ZNF597: variants seen among roughly 807,000 people sequenced by gnomAD.
ZNF597 encodes the protein zinc finger protein 597.
ZNF597 carries 5 observed loss-of-function variants against 7.3 expected under a neutral mutation model. The ratio of observed to expected loss-of-function variants is 0.68; its 90% confidence interval spans 0.36 to 1.44. The LOEUF (loss-of-function observed/expected upper bound fraction) is 1.44, where lower values mean the gene tolerates loss of function less well. ZNF597 is among the 40% of genes most tolerant of loss of function. ZNF597 has a pLI of 0.04. For synonymous variants in ZNF597, 209 were observed against 185.4 expected (o/e 1.13, Z -1.04); for missense variants, 585 against 517.9 (o/e 1.13, Z -1.26).
rs1464775765 is a variant in ZNF597, at chr16:3,437,429, T to A, written c.270A>T (p.Pro90=). 1 of 1,614,150 alleles carries A rather than the reference T, an allele frequency of 6.2e-7. No individual in the cohort carries two copies. Residue 90 remains proline, a synonymous_variant, in exon 4 of 4, where the codon CCA becomes CCT. Transcript: ENST00000301744. ...YPIAAPLVPY[P]EKSSEDGVGN... is the part of the protein sequence containing the mutation. ...CAACTCCATCCTCAGAGGATTTTTCTGGGTAAGGGACAAGGGGTGCAGCAA... is the reference window on the plus strand; with the variant it reads ...CAACTCCATCCTCAGAGGATTTTTCAGGGTAAGGGACAAGGGGTGCAGCAA...
chr16:3,439,855 C>T (rs1330437680), intron 3 of ZNF597, among the ~76,000 whole-genome samples: 1 of 152,012 alleles, frequency 6.6e-6, no homozygotes, highest in South Asian at 2.1e-4. Flanking sequence ...CCAGAAATGA[C>T]ATCAATGTTA....
In ZNF597 at chr16:3,443,144, T is replaced by A. The variant is rs756795022; in HGVS notation, c.10A>T (p.Met4Leu). The A allele has an allele frequency of 1.9e-6, 3 of 1,613,516 alleles. No homozygotes were observed. The highest frequency in any genetic ancestry group is 2.5e-6 in the Non-Finnish European group (3 of 1,179,730). Residue 4 changes from methionine (M) to leucine (L), a missense_variant, in exon 2 of 4, where the codon ATG becomes TTG. Coordinates refer to ENST00000301744, the MANE Select transcript of ZNF597 (RefSeq NM_152457.3). ...ACCTGGGCCTCGGGCGTCGGGGGCA[T>A]GGACGCCATTTGGCGGGTGGGGAAT... Reference protein sequence around the residue: MASMPPTPEAQGPI... With the variant: MASLPPTPEAQGPI...
chr16:3,441,038 A>T, intron 2 of ZNF597, 105 bp from the exon 3 acceptor site: 2 of 1,474,100 alleles, frequency 1.4e-6, no homozygotes, highest in Non-Finnish European at 1.8e-6. Context: ...ACGGGATAAA[A>T]GGCTCGGTGT....
rs1444339041 is a variant in ZNF597, at chr16:3,433,842, T to C, written c.*2582A>G. The C allele has an allele frequency of 2.0e-5, 3 of 152,210 alleles. No individual in the cohort carries two copies. The highest frequency in any genetic ancestry group is 2.0e-4 in the Admixed American group (3 of 15,282). 9.4% of individuals were successfully genotyped at this position (152,210 alleles called of 1,614,324 possible). A position where few individuals can be genotyped will look rare whatever the true frequency, so the allele number is the denominator to read the frequency against. ...TCCGGGGTTTTCATTTTTTTCTGCA[T>C]ACTAATCATTAACAGTATTATACCA... On this transcript the variant is annotated 3_prime_UTR_variant, in exon 4 of 4. Coordinates refer to ENST00000301744, the MANE Select transcript of ZNF597 (RefSeq NM_152457.3).
intron 2 of ZNF597, among the ~76,000 whole-genome samples, chr16:3,441,388 A>T (rs1009678889): frequency 7.2e-4 from 110 of 152,140 alleles, no homozygotes; most frequent in African/African-American, 2.6e-3. Flanking sequence ...TGTCTCTACT[A>T]AAATTACAAA....
At chr16:3,440,482 A>C (rs1312840188) in intron 3 of ZNF597, among the ~76,000 whole-genome samples, 1 of 152,122 alleles carries the variant, frequency 6.6e-6, no homozygotes, top group African/African-American at 2.4e-5. Context: ...AAAATACAAA[A>C]AATTAGCTGG....
rs145885214 is a variant in ZNF597 at position 3,433,797 on chromosome 16, C to A, written c.*2627G>T. The A allele has an allele frequency of 3.3e-5, 5 of 152,292 alleles. No individual in the cohort carries two copies. The highest frequency in any genetic ancestry group is 1.2e-4 in the African/African-American group (5 of 41,560). 9.4% of individuals were successfully genotyped at this position (152,292 alleles called of 1,614,324 possible). A position where few individuals can be genotyped will look rare whatever the true frequency, so the allele number is the denominator to read the frequency against. On this transcript the variant is annotated 3_prime_UTR_variant, in exon 4 of 4. Coordinates refer to ENST00000301744, the MANE Select transcript of ZNF597 (RefSeq NM_152457.3). ...AATAAGCACAACTGAAAATATGCCT[C>A]TTTCACAGTAACTGACACTTCCGGG... is the stretch of plus-strand genomic sequence containing the variant.
intron 2 of ZNF597, among the ~76,000 whole-genome samples, chr16:3,441,736 G>A (rs779635576): frequency 1.3e-5 from 2 of 151,892 alleles, no homozygotes; most frequent in Non-Finnish European, 2.9e-5. Context: ...TCCAGCCTGG[G>A]CAACAGAGCG....
At chr16:3,437,581 T>C in intron 3 of ZNF597, 43 bp from the exon 4 acceptor site, 1 of 1,538,026 alleles carries the variant, frequency 6.5e-7, no homozygotes, top group Non-Finnish European at 8.7e-7. Flanking sequence ...GACAATATCT[T>C]CAAGGGATAC....
chr16:3,432,933 C>T lies in ZNF597; in HGVS notation c.*3491G>A, dbSNP rs1364519641. 1 of 152,172 alleles carries T rather than the reference C, an allele frequency of 6.6e-6. No homozygotes were observed. Among genetic ancestry groups the T allele is most frequent in the East Asian group, 1.9e-4 (1 of 5,206 alleles). The allele number at this position is 152,172 out of a possible 1,614,324, so 9.4% of individuals were successfully genotyped here. On this transcript the variant is annotated 3_prime_UTR_variant, in exon 4 of 4. Coordinates refer to ENST00000301744, the MANE Select transcript of ZNF597 (RefSeq NM_152457.3). ...AATAGACTATTCATATAAACTATAACCTGCTATGTCTCCCTTTGTACACAT... is the reference window on the plus strand; with the variant it reads ...AATAGACTATTCATATAAACTATAATCTGCTATGTCTCCCTTTGTACACAT...
In ZNF597 at chr16:3,440,827, A is replaced by G; in HGVS notation, c.140T>C (p.Leu47Ser). ...SLSKDGTKES[L>S]EDAALMGEEG... is the part of the protein sequence containing the mutation. ...CTTACCCATCAAAGCCGCATCCTCC[A>G]AAGACTCTTTTGTACCATCTTTGCT... The change falls in exon 3 of 4, where the codon TTG (leucine) becomes TCG (serine). Residue 47 changes from leucine to serine, a missense_variant. By Grantham distance (145) the Leu-to-Ser change is moderately radical. Transcript: ENST00000301744. 3 of 1,614,028 alleles carry G rather than the reference A, an allele frequency of 1.9e-6. No individual in the cohort carries two copies. The highest frequency in any genetic ancestry group is 3.3e-4 in the Middle Eastern group (2 of 6,062).
chr16:3,436,862 C>T lies in ZNF597; in HGVS notation c.837G>A (p.Glu279=). 1 of 1,614,174 alleles carries T rather than the reference C, an allele frequency of 6.2e-7. No individual in the cohort carries two copies. The highest frequency in any genetic ancestry group is 8.5e-7 in the Non-Finnish European group (1 of 1,180,032). ...ESTNCDKHFN[E]KPNLALPEET... ...CCTCAGGCAAAGCAAGATTTGGTTT[C>T]TCATTAAAATGTTTATCACAGTTAG... Residue 279 remains glutamate (E), a synonymous_variant, in exon 4 of 4, where the codon GAG becomes GAA. Coordinates refer to ENST00000301744, the MANE Select transcript of ZNF597 (RefSeq NM_152457.3).
In ZNF597 at chr16:3,440,813, A is replaced by G. The variant is rs751805268; in HGVS notation, c.154T>C (p.Leu52=). ...GGAAAAACAATTGCCTTACCCATCAAAGCCGCATCCTCCAAAGACTCTTTT... is the reference window on the plus strand; with the variant it reads ...GGAAAAACAATTGCCTTACCCATCAGAGCCGCATCCTCCAAAGACTCTTTT... The part of the protein sequence containing the change: ...GTKESLEDAA[L]MGEEGKPEIN... Residue 52 remains leucine (L), a synonymous_variant, in exon 3 of 4, where the codon TTG becomes CTG. Transcript: ENST00000301744. 1 of 1,613,802 alleles carries G rather than the reference A, an allele frequency of 6.2e-7. No individual in the cohort carries two copies. Among genetic ancestry groups the G allele is most frequent in the South Asian group, 1.1e-5 (1 of 91,064 alleles).
chr16:3,436,416 T>G lies in ZNF597; in HGVS notation c.*8A>C. The G allele has an allele frequency of 6.2e-7, 1 of 1,610,024 alleles. No homozygotes were observed. Among genetic ancestry groups the G allele is most frequent in the Non-Finnish European group, 8.5e-7 (1 of 1,177,702 alleles). ...CCCAATCACTAATAACAATTTGTTATATTTACTTTACGTGGTGTTTTTTAT... is the reference window on the plus strand; with the variant it reads ...CCCAATCACTAATAACAATTTGTTAGATTTACTTTACGTGGTGTTTTTTAT... On this transcript the variant is annotated 3_prime_UTR_variant, in exon 4 of 4. Transcript: ENST00000301744.
chr16:3,436,481 G>GA lies in ZNF597; in HGVS notation c.1217dup (p.Lys407GlnfsTer10). On this transcript the variant is annotated frameshift_variant, in exon 4 of 4. Transcript: ENST00000301744. LOFTEE classifies it low-confidence loss of function (END_TRUNC). ...GAGTAATGAGATGCAAATTCGACTT[G>GA]AAAGTTTTCCCACACACGGTACATT... 1.2e-6 allele frequency: 2 copies of GA among 1,614,192 alleles called. No individual in the cohort carries two copies. The highest frequency in any genetic ancestry group is 1.7e-6 in the Non-Finnish European group (2 of 1,180,040).
chr16:3,434,149 A>G lies in ZNF597; in HGVS notation c.*2275T>C, dbSNP rs975897840. The G allele has an allele frequency of 1.3e-5, 2 of 152,228 alleles. No homozygotes were observed. The highest frequency in any genetic ancestry group is 4.8e-5 in the African/African-American group (2 of 41,462). The allele number at this position is 152,228 out of a possible 1,614,324, so 9.4% of individuals were successfully genotyped here. A position where few individuals can be genotyped will look rare whatever the true frequency, so the allele number is the denominator to read the frequency against. On this transcript the variant is annotated 3_prime_UTR_variant, in exon 4 of 4. Coordinates refer to ENST00000301744, the MANE Select transcript of ZNF597 (RefSeq NM_152457.3). Reference sequence around the variant, plus strand: ...CTTTTATATCACCCCCATTCTGTCCAAGTGCCTTCTAAGATATTCCCCTCT... The same window carrying G: ...CTTTTATATCACCCCCATTCTGTCCGAGTGCCTTCTAAGATATTCCCCTCT...
chr16:3,436,535 C>T lies in ZNF597; in HGVS notation c.1164G>A (p.Gln388=). The change falls in exon 4 of 4, where the codon CAG becomes CAA. Residue 388 remains glutamine, a synonymous_variant. Coordinates refer to ENST00000301744, the MANE Select transcript of ZNF597 (RefSeq NM_152457.3). ...FALDSELACH[Q]KSHMLAEPFK... ...AAGGTTCCGCTAGCATGTGGCTCTT[C>T]TGGTGGCATGCAAGTTCTGAGTCCA... 6.2e-7 allele frequency: 1 copy of T among 1,614,120 alleles called. No homozygotes were observed. The highest frequency in any genetic ancestry group is 1.7e-5 in the Admixed American group (1 of 60,018).
At position 3,436,192 on chromosome 16, in the gene ZNF597, G is replaced by A; in HGVS notation, c.*232C>T. The A allele has an allele frequency of 1.8e-6, 1 of 543,588 alleles. No homozygotes were observed. The allele number at this position is 543,588 out of a possible 1,614,324, so 33.7% of individuals were successfully genotyped here. On this transcript the variant is annotated 3_prime_UTR_variant, in exon 4 of 4. Transcript: ENST00000301744. Reference sequence around the variant, plus strand: ...TCTTCTTCTGGCTCACAGTTGTACAGTAACTGAGTTCAAATCCTGGGTTCA... The same window carrying A: ...TCTTCTTCTGGCTCACAGTTGTACAATAACTGAGTTCAAATCCTGGGTTCA...
intron 2 of ZNF597, among the ~76,000 whole-genome samples, chr16:3,441,795 A>G (rs1030411107): frequency 6.6e-5 from 10 of 151,056 alleles, no homozygotes; most frequent in South Asian, 2.1e-4. Context: ...AACAAAAAAA[A>G]CTCTGTCTCA....
Sources: allele counts gnomAD v4.1 joint callset (sites outside exome capture counted in the v4.1 genomes callset), GRCh38; gene constraint gnomAD v4.1.1; transcripts MANE v1.5; gene names NCBI Gene and HGNC (gene_info 2026-07-23, HGNC 2026-07-21).